Variants in AFF3 observed in about 807,000 individuals in gnomAD.
AFF3 encodes ALF transcription elongation factor 3.
Under a neutral mutation model 129.7 loss-of-function variants are expected in AFF3, and 32 were observed. The ratio of observed to expected loss-of-function variants is 0.25; its 90% CI spans 0.19 to 0.33. The LOEUF is 0.33. AFF3 is among the 10% of genes least tolerant of loss of function. The probability of loss-of-function intolerance (pLI) is 1.00; values close to 1 mark genes in which losing one functional copy is unlikely to be tolerated. For synonymous variants in AFF3, 644 were observed against 635.4 expected (o/e 1.01, Z -0.20); for missense variants, 1,373 against 1,592.0 (o/e 0.86, Z 2.34).
At chr2:100,131,876 A>G (rs374465187) in intron 1 of AFF3, among the ~76,000 whole-genome samples, 3 of 152,364 alleles carry the variant, frequency 2.0e-5, no homozygotes, top group African/African-American at 7.2e-5. Context: ...ATCTTTGCTC[A>G]TTGAATCTGC....
At chr2:100,105,054 G>A (rs1173369088) in intron 3 of AFF3, 1 of 152,546 alleles carries the variant, frequency 6.6e-6, no homozygotes, top group African/African-American at 2.4e-5. Context: ...TGGGGTGCCC[G>A]GGGCGGCCCT....
Position 99,547,739 on chromosome 2 carries a change from A to G in AFF3, c.*3735T>C, listed in dbSNP as rs1199150261. On this transcript the variant is annotated 3_prime_UTR_variant, in exon 25 of 25. Coordinates refer to ENST00000672756, the MANE Select transcript of AFF3 (RefSeq NM_001386135.1). Reference sequence around the variant, plus strand: ...TTCAGGCGTACTACAGTTTTATGTTAGCTGTATTGTACATATATATTTTTA... The same window carrying G: ...TTCAGGCGTACTACAGTTTTATGTTGGCTGTATTGTACATATATATTTTTA... 1 of 208,158 alleles carries G rather than the reference A, an allele frequency of 4.8e-6. No individual in the cohort carries two copies. Among genetic ancestry groups the G allele is most frequent in the Non-Finnish European group, 9.8e-6 (1 of 101,942 alleles). 12.9% of individuals were successfully genotyped at this position (208,158 alleles called of 1,614,324 possible). A position where few individuals can be genotyped will look rare whatever the true frequency, so the allele number is the denominator to read the frequency against.
intron 8 of AFF3, among the ~76,000 whole-genome samples, chr2:99,784,411 G>A (rs774272301): frequency 8.5e-5 from 13 of 152,168 alleles, no homozygotes; most frequent in Non-Finnish European, 1.5e-4. Context: ...CGGTAGTCTC[G>A]CAAAGGGAAT....
At chr2:99,874,093 C>T (rs937193098) in intron 7 of AFF3, among the ~76,000 whole-genome samples, 5 of 152,196 alleles carry the variant, frequency 3.3e-5, no homozygotes, top group South Asian at 2.1e-4. Flanking sequence ...AGGAGAATAG[C>T]GTGAACCCGG....
chr2:99,809,407 C>T (rs1558871138), intron 8 of AFF3, among the ~76,000 whole-genome samples: 1 of 152,244 alleles, frequency 6.6e-6, no homozygotes, highest in East Asian at 1.9e-4. Flanking sequence ...CACAGGTTTG[C>T]ACCCTGCTGG....
chr2:99,949,213 AT>A (rs1255510909), intron 7 of AFF3, among the ~76,000 whole-genome samples: 1 of 152,234 alleles, frequency 6.6e-6, no homozygotes, highest in African/African-American at 2.4e-5. Flanking sequence ...ATACCTGCAT[AT>A]AAAAGTACTT....
intron 8 of AFF3, among the ~76,000 whole-genome samples, chr2:99,819,798 C>CG (rs1687508451): frequency 6.6e-6 from 1 of 152,216 alleles, no homozygotes. Flanking sequence ...AAAACCCACA[C>CG]TGTGTGGTCA....
At chr2:99,897,074 G>T (rs1694027692) in intron 7 of AFF3, among the ~76,000 whole-genome samples, 1 of 151,876 alleles carries the variant, frequency 6.6e-6, no homozygotes. Context: ...GTATTGTGAA[G>T]GCTTTTTAAA....
intron 4 of AFF3, among the ~76,000 whole-genome samples, chr2:100,051,680 T>C (rs1354895003): frequency 1.3e-5 from 2 of 152,204 alleles, no homozygotes; most frequent in Non-Finnish European, 1.5e-5. Context: ...CATGGACAGA[T>C]GACTTGTAAG....
Position 99,901,312 on chromosome 2 carries a change from T to A in AFF3, c.874-63788A>T, listed in dbSNP as rs150977175. 3.2e-3 allele frequency among the ~76,000 whole-genome samples: 486 copies of A among 152,296 alleles called. 1 individual carries two copies. The highest frequency in any genetic ancestry group is 0.011 in the African/African-American group (465 of 41,568). On this transcript the variant is annotated intron_variant, in intron 7 of 24. Coordinates refer to ENST00000672756, the MANE Select transcript of AFF3 (RefSeq NM_001386135.1). ...TGGATCTCCTCTACATGTGGATTAT[T>A]TAGTTTGGCTACAGAAAATCTAAAC...
intron 7 of AFF3, among the ~76,000 whole-genome samples, chr2:99,847,894 T>C (rs1689852662): frequency 6.6e-6 from 1 of 152,166 alleles, no homozygotes; most frequent in Non-Finnish European, 1.5e-5. Flanking sequence ...AATCTCTCTG[T>C]ATCTTGACGC....
At chr2:99,871,214 A>G (rs1022593470) in intron 7 of AFF3, among the ~76,000 whole-genome samples, 4 of 152,198 alleles carry the variant, frequency 2.6e-5, no homozygotes, top group African/African-American at 4.8e-5. Context: ...ATATCTCATT[A>G]TGTCTATGCA....
At chr2:99,656,677 A>G (rs7575238) in intron 12 of AFF3, among the ~76,000 whole-genome samples, 1 of 152,138 alleles carries the variant, frequency 6.6e-6, no homozygotes, top group African/African-American at 2.4e-5. Flanking sequence ...ATTGTTTTCC[A>G]CTTCAGTCCT....
intron 7 of AFF3, among the ~76,000 whole-genome samples, chr2:99,857,974 C>T (rs1344391095): frequency 5.3e-5 from 8 of 152,126 alleles, no homozygotes; most frequent in Admixed American, 5.2e-4. Context: ...GATGGAATAT[C>T]CTCCCCTACC....
intron 15 of AFF3, among the ~76,000 whole-genome samples, chr2:99,592,962 G>T (rs1300230192): frequency 7.0e-5 from 8 of 114,958 alleles, no homozygotes; most frequent in African/African-American, 2.6e-4. Context: ...GGATAATAAT[G>T]GTACTTCCCT....
At chr2:99,581,247 T>C (rs1197316568) in intron 17 of AFF3, among the ~76,000 whole-genome samples, 4 of 152,238 alleles carry the variant, frequency 2.6e-5, no homozygotes, top group African/African-American at 9.6e-5. Flanking sequence ...TTGCTCATGA[T>C]ATAAGGATAT....
In AFF3 at chr2:99,634,964, T is replaced by C. The variant is rs2049401; in HGVS notation, c.1184+14662A>G. On this transcript the variant is annotated intron_variant, in intron 13 of 24. Coordinates refer to ENST00000672756, the MANE Select transcript of AFF3 (RefSeq NM_001386135.1). ...CTTGAGGCAGAGCTGGATTCTGTCA[T>C]ACACACACACACACACACACACACA... Among the ~76,000 whole-genome samples the C allele has an allele frequency of 4.0e-3, 551 of 137,764 alleles. 3 individuals are homozygous for C. Among genetic ancestry groups the C allele is most frequent in the Non-Finnish European group, 6.0e-3 (387 of 64,230 alleles). 90.4% of individuals were successfully genotyped at this position (137,764 alleles called of 152,430 possible).
chr2:99,934,252 C>T (rs1674314802), intron 7 of AFF3, among the ~76,000 whole-genome samples: 1 of 152,116 alleles, frequency 6.6e-6, no homozygotes, highest in South Asian at 2.1e-4. Context: ...TCCTTTAGTC[C>T]TGTGGTTTGA....
chr2:99,807,391 G>A (rs1374522038), intron 8 of AFF3, among the ~76,000 whole-genome samples: 4 of 152,116 alleles, frequency 2.6e-5, no homozygotes, highest in Admixed American at 1.3e-4. Context: ...TCCTACCAAC[G>A]CACCCAGTTT....
Sources: allele counts gnomAD v4.1 joint callset (sites outside exome capture counted in the v4.1 genomes callset), GRCh38; gene constraint gnomAD v4.1.1; transcripts MANE v1.5; gene names NCBI Gene and HGNC (gene_info 2026-07-23, HGNC 2026-07-21).